Variants in NEDD4L observed in about 807,000 individuals in gnomAD.
The protein encoded by NEDD4L is NEDD4 like E3 ubiquitin protein ligase.
Under a neutral mutation model 148.9 loss-of-function variants are expected in NEDD4L, and 54 were observed. That is an observed-to-expected ratio of 0.36 (90% confidence interval 0.29 to 0.45). NEDD4L has a LOEUF of 0.45. Ranked by LOEUF, NEDD4L falls within the 20% of genes least tolerant of loss-of-function variation. NEDD4L has a pLI of 1.00. For synonymous variants in NEDD4L, 433 were observed against 440.7 expected (o/e 0.98, Z 0.22); for missense variants, 856 against 1,233.8 (o/e 0.69, Z 4.59).
At chr18:58,362,237 G>A (rs10513916) in intron 19 of NEDD4L, among the ~76,000 whole-genome samples, 1,794 of 152,306 alleles carry the variant, frequency 0.012, 35 homozygotes, top group African/African-American at 0.041. Flanking sequence ...TAAGACAGTC[G>A]AACTTGCATA....
intron 13 of NEDD4L, among the ~76,000 whole-genome samples, chr18:58,339,671 A>G (rs1003700588): frequency 6.6e-6 from 1 of 152,174 alleles, no homozygotes; most frequent in Non-Finnish European, 1.5e-5. Context: ...CAGCTGCTTC[A>G]TGATCTTACC....
chr18:58,202,456 A>G (rs1044327960), intron 2 of NEDD4L, among the ~76,000 whole-genome samples: 2 of 152,248 alleles, frequency 1.3e-5, no homozygotes, highest in African/African-American at 4.8e-5. Context: ...CTGAGATAGA[A>G]TCTACCAATT....
intron 1 of NEDD4L, among the ~76,000 whole-genome samples, chr18:58,163,986 A>G (rs1162864571): frequency 6.6e-6 from 1 of 151,030 alleles, no homozygotes; most frequent in Admixed American, 6.6e-5. Context: ...TCATATTACT[A>G]CTTTCTTGCG....
intron 30 of NEDD4L, among the ~76,000 whole-genome samples, chr18:58,394,731 AT>A (rs1427668190): frequency 6.6e-6 from 1 of 152,174 alleles, no homozygotes; most frequent in Non-Finnish European, 1.5e-5. Flanking sequence ...CTTATTCAAT[AT>A]TTAGTGGTTG....
At chr18:58,192,669 C>T (rs1041678847) in intron 2 of NEDD4L, among the ~76,000 whole-genome samples, 8 of 151,354 alleles carry the variant, frequency 5.3e-5, no homozygotes, top group Middle Eastern at 3.4e-3. Flanking sequence ...CTGCTGGGTT[C>T]GCTGGTGGTG....
At chr18:58,088,296 A>G (rs555935744) in intron 1 of NEDD4L, among the ~76,000 whole-genome samples, 3 of 152,350 alleles carry the variant, frequency 2.0e-5, no homozygotes, top group South Asian at 2.1e-4. Flanking sequence ...AGGTGACTAC[A>G]TGAGGGTGAG....
At chr18:58,386,002 C>A (rs2146806345) in intron 26 of NEDD4L, among the ~76,000 whole-genome samples, 1 of 151,930 alleles carries the variant, frequency 6.6e-6, no homozygotes, top group South Asian at 2.1e-4. Context: ...AAGTGCCTGG[C>A]CACCCCTCCC....
intron 5 of NEDD4L, among the ~76,000 whole-genome samples, chr18:58,300,684 G>C (rs765959279): frequency 7.2e-5 from 11 of 152,188 alleles, no homozygotes; most frequent in Non-Finnish European, 1.6e-4. Context: ...CAGTCAGAGA[G>C]TCCCAGCTCA....
chr18:58,266,916 C>T (rs2050298428), intron 5 of NEDD4L, among the ~76,000 whole-genome samples: 1 of 152,036 alleles, frequency 6.6e-6, no homozygotes, highest in Admixed American at 6.5e-5. Context: ...TTAAAGTGGA[C>T]TTGCTTTCTA....
rs35777699 is a variant in NEDD4L, at chr18:58,347,964, GT to G, written c.1576-1563del. 2.6e-3 allele frequency among the ~76,000 whole-genome samples: 385 copies of G among 149,780 alleles called. 1 individual carries two copies. The highest frequency in any genetic ancestry group is 4.3e-3 in the Non-Finnish European group (287 of 67,270). ...TCTTAAGCTTATTTGGTTGATAGTG[GT>G]TTTTTTTTTGAGTATAAAGATATGG... On this transcript the variant is annotated intron_variant, in intron 16 of 30. Coordinates refer to ENST00000400345, the MANE Select transcript of NEDD4L (RefSeq NM_001144967.3).
chr18:58,259,146 T>C (rs1600350755), intron 5 of NEDD4L, among the ~76,000 whole-genome samples: 2 of 152,194 alleles, frequency 1.3e-5, no homozygotes, highest in South Asian at 2.1e-4. Flanking sequence ...GATTAAGTTG[T>C]TGAGTACTTT....
At chr18:58,308,695 C>T (rs2057335400) in intron 5 of NEDD4L, among the ~76,000 whole-genome samples, 1 of 152,228 alleles carries the variant, frequency 6.6e-6, no homozygotes, top group Non-Finnish European at 1.5e-5. Context: ...TGGTCCTGCA[C>T]TCAGCACGAG....
chr18:58,060,825 C>A (rs2082299885), intron 1 of NEDD4L, among the ~76,000 whole-genome samples: 1 of 152,032 alleles, frequency 6.6e-6, no homozygotes. Flanking sequence ...ATGGCGTGAT[C>A]TCAGCTCACT....
intron 1 of NEDD4L, among the ~76,000 whole-genome samples, chr18:58,132,455 C>A (rs2032288718): frequency 6.6e-6 from 1 of 152,234 alleles, no homozygotes; most frequent in Non-Finnish European, 1.5e-5. Flanking sequence ...TGGAATATCA[C>A]AAAAGGTACT....
intron 1 of NEDD4L, among the ~76,000 whole-genome samples, chr18:58,156,185 C>T (rs1487508597): frequency 6.6e-6 from 1 of 152,218 alleles, no homozygotes; most frequent in Non-Finnish European, 1.5e-5. Context: ...ACCAGCCCAT[C>T]GTAGTAGAAG....
rs528261721 is a variant in NEDD4L at position 58,062,648 on chromosome 18, C to T, written c.48+17940C>T. 4.6e-5 allele frequency among the ~76,000 whole-genome samples: 7 copies of T among 152,178 alleles called. No homozygotes were observed. The South Asian group carries it at 1.5e-3, about 32-fold the overall frequency. ...GCTTTTCAGATCCCATGTTCATATT[C>T]GCATGTGTGGAGCATGAAAGTACCA... is the stretch of plus-strand genomic sequence containing the variant. On this transcript the variant is annotated intron_variant, in intron 1 of 30. Coordinates refer to ENST00000400345, the MANE Select transcript of NEDD4L (RefSeq NM_001144967.3).
intron 3 of NEDD4L, among the ~76,000 whole-genome samples, chr18:58,246,257 G>A (rs1438627241): frequency 3.3e-5 from 5 of 152,044 alleles, no homozygotes; most frequent in Admixed American, 3.3e-4. Flanking sequence ...TAATGAAATG[G>A]AGCTGTTTGT....
chr18:58,251,168 A>G (rs571929589), intron 4 of NEDD4L, among the ~76,000 whole-genome samples: 356 of 152,210 alleles, frequency 2.3e-3, no homozygotes, highest in South Asian at 4.8e-3. Flanking sequence ...ACATCATAGG[A>G]TTGCTGTGAA....
At chr18:58,183,607 C>T (rs1255792545) in intron 2 of NEDD4L, among the ~76,000 whole-genome samples, 3 of 152,162 alleles carry the variant, frequency 2.0e-5, no homozygotes, top group Non-Finnish European at 4.4e-5. Flanking sequence ...TGCATCTTAC[C>T]GAGTTGATTG....
Sources: gnomAD v4.1 joint callset for allele counts (sites outside exome capture counted in the v4.1 genomes callset) on GRCh38, gnomAD v4.1.1 for gene constraint, MANE v1.5 for transcripts, NCBI Gene and HGNC (gene_info 2026-07-23, HGNC 2026-07-21) for gene names.